The following PHF2 variants were observed in gnomAD, a reference collection of about 807,000 sequenced individuals.
PHF2 encodes the protein lysine-specific demethylase PHF2.
Under a neutral mutation model 120.5 loss-of-function variants are expected in PHF2, and 27 were observed. The observed-to-expected ratio is 0.22, with a 90% CI of 0.17 to 0.31. The LOEUF is 0.31. PHF2 is among the 10% of genes least tolerant of loss of function. PHF2 has a pLI of 1.00. For missense variants in PHF2, 1,024 were observed against 1,434.8 expected (o/e 0.71, Z 4.63); for synonymous variants, 568 against 592.5 (o/e 0.96, Z 0.60).
At chr9:93,614,882 T>C (rs1825697143) in intron 1 of PHF2, among the ~76,000 whole-genome samples, 2 of 151,474 alleles carry the variant, frequency 1.3e-5, no homozygotes, top group Non-Finnish European at 2.9e-5. Context: ...ACAGTGATGG[T>C]GATGGTGATG....
intron 1 of PHF2, among the ~76,000 whole-genome samples, chr9:93,610,571 T>C (rs1825617398): frequency 1.3e-5 from 2 of 152,236 alleles, no homozygotes. Flanking sequence ...GTGCCATCTC[T>C]GGGTCTAGTT....
chr9:93,665,729 G>A lies in PHF2; in HGVS notation c.1981G>A (p.Ala661Thr), dbSNP rs1826664969. ...CCCGACGAGCCCTGGTGTGTTCGGGGCCTTGCAGAACTTCAAGGAGGACAA... is the reference window on the plus strand; with the variant it reads ...CCCGACGAGCCCTGGTGTGTTCGGGACCTTGCAGAACTTCAAGGAGGACAA... ...RPPTSPGVFGALQNFKEDKPK... is the reference protein window; with the variant it reads ...RPPTSPGVFGTLQNFKEDKPK... Residue 661 changes from alanine to threonine, a missense_variant, in exon 15 of 22, where the codon GCC (alanine) becomes ACC (threonine). Physicochemically the swap from Ala to Thr is moderately conservative, Grantham distance 58 (BLOSUM62 0). Transcript: ENST00000359246. 1.2e-6 allele frequency: 2 copies of A among 1,613,940 alleles called. No homozygotes were observed. The highest frequency in any genetic ancestry group is 1.7e-5 in the Admixed American group (1 of 60,000).
intron 13 of PHF2, 42 bp downstream of exon 13, chr9:93,663,068 TTGG>T: frequency 6.2e-7 from 1 of 1,612,212 alleles, no homozygotes; most frequent in Middle Eastern, 1.7e-4. Context: ...GTGTGTCAGC[TTGG>T]TGAGTGTGAG....
chr9:93,597,105 A>G (rs925359622), intron 1 of PHF2, among the ~76,000 whole-genome samples: 8 of 151,550 alleles, frequency 5.3e-5, no homozygotes, highest in Non-Finnish European at 8.8e-5. Context: ...TAATTTTTAT[A>G]TTTTTAGTAG....
At chr9:93,602,537 G>T (rs1343374596) in intron 1 of PHF2, among the ~76,000 whole-genome samples, 1 of 152,080 alleles carries the variant, frequency 6.6e-6, no homozygotes, top group African/African-American at 2.4e-5. Flanking sequence ...ACAGGTGTGA[G>T]CCACCACACC....
At chr9:93,614,983 GTGATGA>G (rs766510334) in intron 1 of PHF2, among the ~76,000 whole-genome samples, 1 of 151,166 alleles carries the variant, frequency 6.6e-6, no homozygotes, top group South Asian at 2.1e-4. Context: ...GACGGTAATG[GTGATGA>G]TGATGATGGT....
chr9:93,630,632 A>C (rs1000806186), intron 2 of PHF2, among the ~76,000 whole-genome samples: 3 of 151,932 alleles, frequency 2.0e-5, no homozygotes, highest in African/African-American at 7.3e-5. Context: ...TGGCCCTTTC[A>C]GGTGTGCTGG....
At chr9:93,578,967 C>T (rs1052579372) in intron 1 of PHF2, among the ~76,000 whole-genome samples, 2 of 152,218 alleles carry the variant, frequency 1.3e-5, no homozygotes, top group African/African-American at 4.8e-5. Context: ...TCATTTTCTC[C>T]TGCATCTAAC....
chr9:93,665,342 G>A (rs1260381369), intron 14 of PHF2, among the ~76,000 whole-genome samples: 1 of 152,214 alleles, frequency 6.6e-6, no homozygotes. Context: ...TAAACTGCCT[G>A]GGGAAGGGCT....
chr9:93,671,786 G>T (rs1826798883), intron 17 of PHF2, among the ~76,000 whole-genome samples: 2 of 144,442 alleles, frequency 1.4e-5, no homozygotes, highest in Non-Finnish European at 3.1e-5. Flanking sequence ...AGGTACAGGT[G>T]TAGATGCAGG....
intron 14 of PHF2, among the ~76,000 whole-genome samples, chr9:93,665,213 G>C (rs1034621349): frequency 6.6e-6 from 1 of 152,226 alleles, no homozygotes; most frequent in African/African-American, 2.4e-5. Flanking sequence ...CAGGAAACTT[G>C]GGTCCTTTTC....
intron 1 of PHF2, among the ~76,000 whole-genome samples, chr9:93,581,725 C>T (rs1862933524): frequency 6.6e-6 from 1 of 152,186 alleles, no homozygotes; most frequent in Non-Finnish European, 1.5e-5. Flanking sequence ...TTGTTTGGGG[C>T]TGCTTGGGTG....
rs1400000727 is a variant in PHF2 at position 93,673,571 on chromosome 9, C to G, written c.2349-14C>G. ...AGAGCACTGGGCTGAGTGCCTGTCT[C>G]TCTGTGCCCCTAGCCAGCCCCCGGC... On this transcript the variant is annotated splice_polypyrimidine_tract_variant and intron_variant, in intron 17 of 21. Coordinates refer to ENST00000359246, the MANE Select transcript of PHF2 (RefSeq NM_005392.4). 3.9e-6 allele frequency: 6 copies of G among 1,545,854 alleles called. No individual in the cohort carries two copies. The highest frequency in any genetic ancestry group is 5.3e-6 in the Non-Finnish European group (6 of 1,142,554).
chr9:93,619,296 C>G, intron 1 of PHF2, among the ~76,000 whole-genome samples: 1 of 151,944 alleles, frequency 6.6e-6, no homozygotes, highest in East Asian at 1.9e-4. Flanking sequence ...ACACTGCTCT[C>G]GTTGGAGCCC....
At chr9:93,625,263 A>G (rs371867003) in intron 1 of PHF2, among the ~76,000 whole-genome samples, 2 of 152,198 alleles carry the variant, frequency 1.3e-5, no homozygotes, top group South Asian at 2.1e-4. Context: ...TCTTTCATTT[A>G]GTATAATGCC....
intron 1 of PHF2, among the ~76,000 whole-genome samples, chr9:93,624,627 GATA>G (rs1377479405): frequency 2.7e-5 from 4 of 148,662 alleles, no homozygotes; most frequent in Non-Finnish European, 6.0e-5. Flanking sequence ...AGATGATGAT[GATA>G]ATGATGGTGT....
intron 20 of PHF2, 107 bp from the exon 21 acceptor site, chr9:93,676,487 G>C: frequency 7.3e-7 from 1 of 1,379,068 alleles, no homozygotes; most frequent in Non-Finnish European, 9.8e-7. Context: ...CTGCTGCCCA[G>C]CCCTGCTGTG....
intron 20 of PHF2, among the ~76,000 whole-genome samples, chr9:93,676,040 G>A (rs1186272413): frequency 6.6e-6 from 1 of 152,220 alleles, no homozygotes; most frequent in African/African-American, 2.4e-5. Flanking sequence ...TTCGTGCCAA[G>A]GCTGGGCTAC....
At chr9:93,674,242 T>C (rs1386898100) in intron 18 of PHF2, among the ~76,000 whole-genome samples, 4 of 152,022 alleles carry the variant, frequency 2.6e-5, no homozygotes, top group African/African-American at 9.7e-5. Context: ...GCAGTGAGTG[T>C]AGGGTGGCAC....
Sources: allele counts gnomAD v4.1 joint callset (sites outside exome capture counted in the v4.1 genomes callset), GRCh38; gene constraint gnomAD v4.1.1; transcripts MANE v1.5; gene names NCBI Gene and HGNC (gene_info 2026-07-23, HGNC 2026-07-21).